The following ATXN8OS variants were observed in gnomAD, a reference collection of about 807,000 sequenced individuals.
ATXN8OS encodes ATXN8 opposite strand lncRNA, also known as ATXN8 opposite strand (non-protein coding).
At chr13:70,145,039 G>A (rs1888763707) in intron 3 of ATXN8OS, among the ~76,000 whole-genome samples, 1 of 152,076 alleles carries the variant, frequency 6.6e-6, no homozygotes, top group Admixed American at 6.6e-5. Context: ...AAGGTGTAAG[G>A]AAGGGATCCA....
At chr13:70,107,893 T>A in exon 1 of ATXN8OS, 1 of 533,200 alleles carries the variant, frequency 1.9e-6, no homozygotes, top group East Asian at 3.0e-5. Context: ...AAGCCGCGCG[T>A]TTCAGCCGTG....
At chr13:70,108,173 G>A in intron 1 of ATXN8OS, 2 of 399,702 alleles carry the variant, frequency 5.0e-6, no homozygotes, top group Non-Finnish European at 8.8e-6. Flanking sequence ...TTGCAGCTCA[G>A]AGTTCAGTGT....
intron 3 of ATXN8OS, among the ~76,000 whole-genome samples, chr13:70,140,155 A>G (rs1888690836): frequency 6.6e-6 from 1 of 152,140 alleles, no homozygotes; most frequent in African/African-American, 2.4e-5. Flanking sequence ...GAGTTAGTAT[A>G]TTACAAGTAC....
chr13:70,139,341 A>C (rs923761635), intron 3 of ATXN8OS: 5 of 644,604 alleles, frequency 7.8e-6, no homozygotes, highest in African/African-American at 7.5e-5. Context: ...TCATGTTAGA[A>C]AACCTGGCTT....
exon 3 of ATXN8OS, chr13:70,129,865 C>A: frequency 2.5e-6 from 1 of 398,398 alleles, no homozygotes; most frequent in East Asian, 3.6e-5. Flanking sequence ...GAGAATGGCT[C>A]AGAGTCAAGC....
chr13:70,135,340 C>G (rs1402327641), intron 3 of ATXN8OS, among the ~76,000 whole-genome samples: 1 of 152,068 alleles, frequency 6.6e-6, no homozygotes, highest in Non-Finnish European at 1.5e-5. Context: ...TTCCATGACA[C>G]CAAACTCCTT....
intron 2 of ATXN8OS, chr13:70,115,436 T>C (rs1888264586): frequency 2.5e-6 from 1 of 395,028 alleles, no homozygotes; most frequent in Admixed American, 4.4e-5. Context: ...AAGAAATAAG[T>C]TCAGACCACA....
chr13:70,115,357 A>C, intron 2 of ATXN8OS: 1 of 397,556 alleles, frequency 2.5e-6, no homozygotes, highest in Non-Finnish European at 4.4e-6. Context: ...TCATGACAGA[A>C]ACACCTCCCA....
intron 4 of ATXN8OS, among the ~76,000 whole-genome samples, chr13:70,154,948 C>T (rs755045112): frequency 1.3e-5 from 2 of 152,172 alleles, no homozygotes; most frequent in Non-Finnish European, 2.9e-5. Context: ...GAAATCCTGT[C>T]TTTGTCTTGC....
At chr13:70,148,288 G>C (rs773831656) in intron 4 of ATXN8OS, among the ~76,000 whole-genome samples, 1 of 152,164 alleles carries the variant, frequency 6.6e-6, no homozygotes, top group South Asian at 2.1e-4. Flanking sequence ...AAATATGTCA[G>C]TGAAATACAC....
intron 4 of ATXN8OS, among the ~76,000 whole-genome samples, chr13:70,149,062 G>T (rs1018185682): frequency 1.3e-5 from 2 of 152,038 alleles, no homozygotes; most frequent in Admixed American, 1.3e-4. Context: ...ACTAGTTTTT[G>T]GTCTGAATTA....
chr13:70,158,074 G>T (rs1200402934), intron 4 of ATXN8OS, among the ~76,000 whole-genome samples: 1 of 152,150 alleles, frequency 6.6e-6, no homozygotes, highest in Non-Finnish European at 1.5e-5. Flanking sequence ...GAGATTGTGT[G>T]TAAAGCCGCT....
chr13:70,153,448 G>A (rs976987612), intron 4 of ATXN8OS, among the ~76,000 whole-genome samples: 12 of 152,106 alleles, frequency 7.9e-5, no homozygotes, highest in Admixed American at 2.0e-4. Flanking sequence ...GGCAGTGTGC[G>A]CCTGTGATCC....
intron 4 of ATXN8OS, among the ~76,000 whole-genome samples, chr13:70,150,530 T>G (rs1888852617): frequency 6.6e-6 from 1 of 152,198 alleles, no homozygotes; most frequent in African/African-American, 2.4e-5. Context: ...TGAAAAATGA[T>G]GTAGACCCAG....
At chr13:70,125,682 T>C (rs1247455083) in intron 2 of ATXN8OS, among the ~76,000 whole-genome samples, 3 of 152,166 alleles carry the variant, frequency 2.0e-5, no homozygotes, top group African/African-American at 7.2e-5. Context: ...TTTTCTGAAA[T>C]GTTTGATGAT....
exon 5 of ATXN8OS, among the ~76,000 whole-genome samples, chr13:70,170,797 A>G (rs1889136417): frequency 6.6e-6 from 1 of 152,116 alleles, no homozygotes; most frequent in African/African-American, 2.4e-5. Context: ...CAGTGTGGGA[A>G]CATCACAGAA....
chr13:70,125,072 G>A (rs140015649), intron 2 of ATXN8OS, among the ~76,000 whole-genome samples: 61 of 151,760 alleles, frequency 4.0e-4, no homozygotes, highest in African/African-American at 1.4e-3. Context: ...TCAATTACAC[G>A]AAGTTGTAAA....
intron 4 of ATXN8OS, among the ~76,000 whole-genome samples, chr13:70,147,754 G>GC (rs1479910809): frequency 6.6e-6 from 1 of 152,110 alleles, no homozygotes; most frequent in Non-Finnish European, 1.5e-5. Context: ...AAGGACCATG[G>GC]CCTGTGACAC....
intron 3 of ATXN8OS, among the ~76,000 whole-genome samples, chr13:70,147,076 T>C (rs1469749207): frequency 6.6e-6 from 1 of 152,142 alleles, no homozygotes; most frequent in Admixed American, 6.6e-5. Flanking sequence ...TTGGATATGT[T>C]TCTGAAAAGC....
Sources: gnomAD v4.1 joint callset for allele counts (sites outside exome capture counted in the v4.1 genomes callset) on GRCh38, gnomAD v4.1.1 for gene constraint, MANE v1.5 for transcripts, NCBI Gene and HGNC (gene_info 2026-07-23, HGNC 2026-07-21) for gene names.